GSK3B: variants seen among roughly 807,000 people sequenced by gnomAD.
GSK3B encodes the protein glycogen synthase kinase-3 beta.
GSK3B carries 15 observed loss-of-function variants against 56.4 expected under a neutral mutation model. That is an observed-to-expected ratio of 0.27 (90% CI 0.18 to 0.41). GSK3B has a LOEUF of 0.41. Ranked by LOEUF, GSK3B falls within the 10% of genes least tolerant of loss-of-function variation. The pLI is 1.00. For synonymous variants in GSK3B, 181 were observed against 188.9 expected (o/e 0.96, Z 0.34); for missense variants, 300 against 513.4 (o/e 0.58, Z 4.02).
Position 119,825,338 on chromosome 3 carries a change from T to G in GSK3B, c.*1450A>C, listed in dbSNP as rs749019183. ...AATTCTCCTTGCTTTCCAAGGAATA[T>G]TGCTTTTTCTTCAAAAAGAGAGACT... On this transcript the variant is annotated 3_prime_UTR_variant, in exon 11 of 11. Coordinates refer to ENST00000264235, the MANE Select transcript of GSK3B (RefSeq NM_001146156.2). The G allele has an allele frequency of 4.3e-6, 1 of 230,194 alleles. No homozygotes were observed. The highest frequency in any genetic ancestry group is 8.6e-6 in the Non-Finnish European group (1 of 116,278). The allele number at this position is 230,194 out of a possible 1,614,324, so 14.3% of individuals were successfully genotyped here.
chr3:120,000,955 C>T (rs1170722186), intron 2 of GSK3B, among the ~76,000 whole-genome samples: 3 of 116,652 alleles, frequency 2.6e-5, no homozygotes, highest in African/African-American at 1.0e-4. Context: ...GACAGAGTCT[C>T]ACTCTGTCCC....
chr3:119,996,372 C>T (rs2057618094), intron 2 of GSK3B, among the ~76,000 whole-genome samples: 1 of 152,178 alleles, frequency 6.6e-6, no homozygotes, highest in South Asian at 2.1e-4. Context: ...TCAATAAGTA[C>T]ATATAAAAAC....
chr3:120,013,672 T>C (rs2057798802), intron 1 of GSK3B, among the ~76,000 whole-genome samples: 1 of 152,096 alleles, frequency 6.6e-6, no homozygotes, highest in Admixed American at 6.5e-5. Flanking sequence ...ACATTTTCTG[T>C]CTAACAATAG....
intron 1 of GSK3B, among the ~76,000 whole-genome samples, chr3:120,089,892 G>C (rs1454343640): frequency 6.6e-6 from 1 of 152,094 alleles, no homozygotes; most frequent in Non-Finnish European, 1.5e-5. Flanking sequence ...GTAAAAAGTA[G>C]TATTTCAAAT....
At position 119,885,630 on chromosome 3, in the gene GSK3B, T is replaced by C. The variant is rs1419027337; in HGVS notation, c.814-9122A>G. Among the ~76,000 whole-genome samples, 6 of 152,266 alleles carry C rather than the reference T, an allele frequency of 3.9e-5. No homozygotes were observed. The East Asian group carries it at 1.2e-3, about 29-fold the overall frequency. On this transcript the variant is annotated intron_variant, in intron 7 of 10. Coordinates refer to ENST00000264235, the MANE Select transcript of GSK3B (RefSeq NM_001146156.2). Reference sequence around the variant, plus strand: ...AGCAAAAAGGACAAAGCCAGAGGCATCACATTACCTGACGTCAAACTGTAC... The same window carrying C: ...AGCAAAAAGGACAAAGCCAGAGGCACCACATTACCTGACGTCAAACTGTAC...
intron 2 of GSK3B, among the ~76,000 whole-genome samples, chr3:119,969,908 T>C (rs1241668982): frequency 1.3e-5 from 2 of 152,208 alleles, no homozygotes; most frequent in South Asian, 2.1e-4. Flanking sequence ...TGAAATCTCA[T>C]GCCATCCCAG....
intron 2 of GSK3B, among the ~76,000 whole-genome samples, chr3:119,964,684 A>T (rs192119218): frequency 4.9e-4 from 74 of 152,324 alleles, no homozygotes; most frequent in Non-Finnish European, 9.6e-4. Flanking sequence ...GCTTTCCAAC[A>T]TAGGGCCTAT....
At chr3:120,044,354 C>T (rs2058086363) in intron 1 of GSK3B, among the ~76,000 whole-genome samples, 1 of 152,158 alleles carries the variant, frequency 6.6e-6, no homozygotes, top group Non-Finnish European at 1.5e-5. Context: ...CTGCCCTTAG[C>T]CATCCTTGAG....
chr3:119,912,251 C>T (rs13314595), intron 6 of GSK3B, among the ~76,000 whole-genome samples: 43,272 of 151,864 alleles, frequency 0.28, 7,885 homozygotes, highest in African/African-American at 0.53. Flanking sequence ...TACACAACAC[C>T]GATCGATTAA....
intron 1 of GSK3B, among the ~76,000 whole-genome samples, chr3:120,058,764 CTT>C (rs1357807699): frequency 1.3e-5 from 2 of 152,078 alleles, no homozygotes; most frequent in African/African-American, 2.4e-5. Context: ...AATCCCAGCA[CTT>C]TGGGAGGCCA....
At chr3:119,919,519 G>GAAA (rs1166564827) in intron 4 of GSK3B, among the ~76,000 whole-genome samples, 2 of 37,806 alleles carry the variant, frequency 5.3e-5, no homozygotes, top group Admixed American at 2.9e-4. Context: ...GGTTACATAA[G>GAAA]AAAAAAAAAA....
chr3:119,851,755 T>C (rs1054340905), intron 9 of GSK3B, among the ~76,000 whole-genome samples: 4 of 152,238 alleles, frequency 2.6e-5, no homozygotes, highest in African/African-American at 9.6e-5. Context: ...TCCTCATGTG[T>C]GTACCAGGCC....
chr3:119,995,160 T>C (rs1411609094), intron 2 of GSK3B, among the ~76,000 whole-genome samples: 1 of 121,924 alleles, frequency 8.2e-6, no homozygotes, highest in Non-Finnish European at 1.7e-5. Context: ...ACACTGTCTC[T>C]ACAAAAAAAA....
At chr3:120,056,377 T>C (rs1484608643) in intron 1 of GSK3B, among the ~76,000 whole-genome samples, 3 of 152,218 alleles carry the variant, frequency 2.0e-5, no homozygotes, top group African/African-American at 4.8e-5. Flanking sequence ...CTCGATCTGT[T>C]GTCCAGGCTG....
intron 2 of GSK3B, among the ~76,000 whole-genome samples, chr3:119,965,570 TAAAG>T (rs1462180439): frequency 6.6e-6 from 1 of 152,116 alleles, no homozygotes; most frequent in Non-Finnish European, 1.5e-5. Flanking sequence ...ATAACAATCT[TAAAG>T]AGAGACAAAA....
At chr3:119,954,285 AATAG>A (rs2057189078) in intron 2 of GSK3B, among the ~76,000 whole-genome samples, 2 of 141,136 alleles carry the variant, frequency 1.4e-5, no homozygotes, top group African/African-American at 5.6e-5. Context: ...AATAGAATAG[AATAG>A]AATAGAATAG....
At chr3:119,838,321 ATAG>A (rs1337798074) in intron 10 of GSK3B, among the ~76,000 whole-genome samples, 2 of 152,058 alleles carry the variant, frequency 1.3e-5, no homozygotes, top group Non-Finnish European at 2.9e-5. Context: ...TTAGGAATTG[ATAG>A]TAGTATGGGT....
At chr3:119,906,495 CAATT>C (rs1390515657) in intron 6 of GSK3B, among the ~76,000 whole-genome samples, 2 of 152,032 alleles carry the variant, frequency 1.3e-5, no homozygotes, top group East Asian at 3.9e-4. Flanking sequence ...AAAATTAACT[CAATT>C]AATACACTTT....
chr3:119,834,748 G>A (rs928952461), intron 10 of GSK3B, among the ~76,000 whole-genome samples: 3 of 152,130 alleles, frequency 2.0e-5, no homozygotes, highest in African/African-American at 7.2e-5. Context: ...AGGGACACAC[G>A]GAAAAATGTC....
Sources: gnomAD v4.1 joint callset for allele counts (sites outside exome capture counted in the v4.1 genomes callset) on GRCh38, gnomAD v4.1.1 for gene constraint, MANE v1.5 for transcripts, NCBI Gene and HGNC (gene_info 2026-07-23, HGNC 2026-07-21) for gene names.